KIF2A: variants seen among roughly 807,000 people sequenced by gnomAD.
The protein encoded by KIF2A is kinesin-like protein KIF2A.
A neutral mutation model predicts 100.2 loss-of-function variants in KIF2A; 22 were observed. The ratio of observed to expected loss-of-function variants is 0.22; its 90% CI spans 0.16 to 0.31. The LOEUF (loss-of-function observed/expected upper bound fraction) is 0.31. Among genes scored for constraint, KIF2A ranks in the 10% least tolerant of loss-of-function variants. KIF2A has a pLI of 1.00. For synonymous variants in KIF2A, 268 were observed against 285.9 expected, an observed-to-expected ratio of 0.94 and a Z score of 0.63; for missense variants, 495 against 898.7, an observed-to-expected ratio of 0.55 and a Z score of 5.74.
At position 62,327,628 on chromosome 5, in the gene KIF2A, A is replaced by C. The variant is rs1746443507; in HGVS notation, c.65-19502A>C. Among the ~76,000 whole-genome samples, 4 of 152,332 alleles carry C rather than the reference A, an allele frequency of 2.6e-5. No homozygotes were observed. In the South Asian group the frequency reaches 8.3e-4, roughly 32 times the overall value. On this transcript the variant is annotated intron_variant, in intron 1 of 20. Coordinates refer to ENST00000407818, the MANE Select transcript of KIF2A (RefSeq NM_001098511.3). ...GACTTTAGCCTTTCTTGCCACATGG[A>C]GCTTCAGTGATCTCATTCTTCTTTA... is the stretch of plus-strand genomic sequence containing the variant.
rs762198064 is a variant in KIF2A, at chr5:62,372,511, C to G, written c.1720C>G (p.Pro574Ala). 1 of 1,612,416 alleles carries G rather than the reference C, an allele frequency of 6.2e-7. No homozygotes were observed. Among genetic ancestry groups the G allele is most frequent in the South Asian group, 1.1e-5 (1 of 90,940 alleles). Residue 574 changes from proline to alanine, a missense_variant, in exon 17 of 21, where the codon CCT becomes GCT. By Grantham distance (27) the Pro-to-Ala change is conservative (BLOSUM62 -1). Coordinates refer to ENST00000407818, the MANE Select transcript of KIF2A (RefSeq NM_001098511.3). ...TAGTGGCAGTCGCCCTGATCTCTCTCCTTCTTATGAATATGACGACTTTTC... is the reference window on the plus strand; with the variant it reads ...TAGTGGCAGTCGCCCTGATCTCTCTGCTTCTTATGAATATGACGACTTTTC... ...QGSGSRPDLS[P>A]SYEYDDFSPS...
intron 19 of KIF2A, among the ~76,000 whole-genome samples, chr5:62,378,655 T>C (rs1225622118): frequency 1.3e-5 from 2 of 152,180 alleles, no homozygotes; most frequent in Admixed American, 6.6e-5. Flanking sequence ...CAGTGGCTCA[T>C]GCCTGTAATA....
At position 62,361,545 on chromosome 5, in the gene KIF2A, C is replaced by T. The variant is rs1561273453; in HGVS notation, c.1027+16C>T. 6.8e-7 allele frequency: 1 copy of T among 1,465,454 alleles called. No individual in the cohort carries two copies. Among genetic ancestry groups the T allele is most frequent in the Admixed American group, 1.8e-5 (1 of 56,660 alleles). 90.8% of individuals were successfully genotyped at this position (1,465,454 alleles called of 1,614,324 possible). A position where few individuals can be genotyped will look rare whatever the true frequency, so the allele number is the denominator to read the frequency against. On this transcript the variant is annotated intron_variant, in intron 11 of 20. Transcript: ENST00000407818. ...GCATTAGCAGGTAACTGTCCTTTTT[C>T]CATAAAATTTGGAATATTCTTCTGT...
chr5:62,361,500 A>G lies in KIF2A; in HGVS notation c.998A>G (p.Asp333Gly). 1 of 1,585,144 alleles carries G rather than the reference A, an allele frequency of 6.3e-7. No homozygotes were observed. Among genetic ancestry groups the G allele is most frequent in the Non-Finnish European group, 8.7e-7 (1 of 1,154,872 alleles). Residue 333 changes from aspartate (D) to glycine (G), a missense_variant, in exon 11 of 21, where the codon GAT becomes GGT. Transcript: ENST00000407818. ...MGGDFSGKNQDCSKGIYALAA... is the reference protein window; with the variant it reads ...MGGDFSGKNQGCSKGIYALAA... ...GGTGACTTTTCAGGAAAGAACCAAGATTGTTCTAAAGGAATTTATGCATTA... is the reference window on the plus strand; with the variant it reads ...GGTGACTTTTCAGGAAAGAACCAAGGTTGTTCTAAAGGAATTTATGCATTA...
chr5:62,354,988 G>A (rs759809587), intron 6 of KIF2A, among the ~76,000 whole-genome samples, 171 bp from the exon 7 acceptor site: 6 of 152,108 alleles, frequency 3.9e-5, no homozygotes, highest in Non-Finnish European at 5.9e-5. Flanking sequence ...ACACAAAGTG[G>A]TTCAGAGCTT....
At chr5:62,318,067 G>A (rs1745909467) in intron 1 of KIF2A, among the ~76,000 whole-genome samples, 1 of 152,014 alleles carries the variant, frequency 6.6e-6, no homozygotes, top group South Asian at 2.1e-4. Flanking sequence ...TTGATTTGGG[G>A]GCCTGTCCAA....
chr5:62,377,687 T>C lies in KIF2A; in HGVS notation c.1938T>C (p.Phe646=), dbSNP rs924437286. 1.3e-6 allele frequency: 2 copies of C among 1,552,452 alleles called. No homozygotes were observed. Among genetic ancestry groups the C allele is most frequent in the South Asian group, 1.2e-5 (1 of 83,480 alleles). ...QNEEEVSPQL[F]TFHEAVSQMV... ...AAGAAGAAGTCTCTCCACAGTTGTT[T>C]ACTTTCCACGAAGCTGTTTCACAAA... Residue 646 remains phenylalanine, a synonymous_variant, in exon 19 of 21, where the codon TTT becomes TTC. Coordinates refer to ENST00000407818, the MANE Select transcript of KIF2A (RefSeq NM_001098511.3).
intron 1 of KIF2A, among the ~76,000 whole-genome samples, chr5:62,336,133 T>A (rs977143317): frequency 1.3e-5 from 2 of 152,062 alleles, no homozygotes; most frequent in Non-Finnish European, 2.9e-5. Flanking sequence ...AGATCATGGA[T>A]TAGTAATGGA....
chr5:62,317,893 C>T (rs759989116), intron 1 of KIF2A, among the ~76,000 whole-genome samples: 3 of 151,928 alleles, frequency 2.0e-5, no homozygotes, highest in Non-Finnish European at 2.9e-5. Flanking sequence ...TTTCTCCAGT[C>T]TCTTTTGCTA....
chr5:62,331,882 C>T (rs575971509), intron 1 of KIF2A, among the ~76,000 whole-genome samples: 2 of 151,910 alleles, frequency 1.3e-5, no homozygotes, highest in East Asian at 1.9e-4. Flanking sequence ...TTTTTCCTAA[C>T]GTTCTACTAC....
chr5:62,341,861 C>T (rs1747310859), intron 1 of KIF2A, among the ~76,000 whole-genome samples: 1 of 152,174 alleles, frequency 6.6e-6, no homozygotes, highest in African/African-American at 2.4e-5. Flanking sequence ...ATTCTCATTA[C>T]TGTGGTAATT....
chr5:62,375,710 A>C (rs1741509331), intron 18 of KIF2A, among the ~76,000 whole-genome samples: 1 of 152,226 alleles, frequency 6.6e-6, no homozygotes, highest in Non-Finnish European at 1.5e-5. Flanking sequence ...CAGGGCTTAA[A>C]GCAGTGGTCC....
rs1387703952 is a variant in KIF2A, at chr5:62,386,621, G to C, written c.*1052G>C. Among the ~76,000 whole-genome samples the C allele has an allele frequency of 2.0e-5, 3 of 152,214 alleles. No homozygotes were observed. The highest frequency in any genetic ancestry group is 4.4e-5 in the Non-Finnish European group (3 of 68,034). ...TAGAAGTTAGTTTAAGCCAAGTGTAGACAGTACATTACTCCCTTGAAAAAG... is the reference window on the plus strand; with the variant it reads ...TAGAAGTTAGTTTAAGCCAAGTGTACACAGTACATTACTCCCTTGAAAAAG... On this transcript the variant is annotated 3_prime_UTR_variant, in exon 21 of 21. Coordinates refer to ENST00000407818, the MANE Select transcript of KIF2A (RefSeq NM_001098511.3).
intron 1 of KIF2A, among the ~76,000 whole-genome samples, chr5:62,323,326 A>G (rs1356120371): frequency 6.6e-6 from 1 of 151,724 alleles, no homozygotes; most frequent in Non-Finnish European, 1.5e-5. Context: ...GGAGAATGTT[A>G]ATCGAGACCA....
At chr5:62,306,626 G>A in intron 1 of KIF2A, 90 bp downstream of exon 1, 1 of 1,051,590 alleles carries the variant, frequency 9.5e-7, no homozygotes, top group Non-Finnish European at 1.4e-6. Flanking sequence ...CTCATTGATT[G>A]CTTCGCCGGG....
intron 16 of KIF2A, among the ~76,000 whole-genome samples, chr5:62,368,056 C>T (rs935899523): frequency 1.3e-5 from 2 of 151,564 alleles, no homozygotes; most frequent in African/African-American, 4.9e-5. Context: ...TAGAAAAGTA[C>T]CTAAAGTATA....
intron 1 of KIF2A, among the ~76,000 whole-genome samples, chr5:62,310,664 T>C (rs1745514669): frequency 6.6e-6 from 1 of 152,206 alleles, no homozygotes; most frequent in Admixed American, 6.5e-5. Flanking sequence ...ACTTTTCTGG[T>C]TTTCTAAGGT....
At chr5:62,368,681 G>A (rs1435849979) in intron 16 of KIF2A, among the ~76,000 whole-genome samples, 1 of 152,022 alleles carries the variant, frequency 6.6e-6, no homozygotes, top group Non-Finnish European at 1.5e-5. Flanking sequence ...GGGGGCTGAG[G>A]TGAGAGGATT....
At position 62,323,895 on chromosome 5, in the gene KIF2A, A is replaced by G. The variant is rs181694259; in HGVS notation, c.64+17359A>G. Among the ~76,000 whole-genome samples, 128 of 152,132 alleles carry G rather than the reference A, an allele frequency of 8.4e-4. 1 individual carries two copies. The highest frequency in any genetic ancestry group is 2.8e-3 in the African/African-American group (115 of 41,520). ...TCTACTCTGCAAAAATTAGCCGAGC[A>G]TGGTGGTATGTACCTGTGGTCCCAG... On this transcript the variant is annotated intron_variant, in intron 1 of 20. Coordinates refer to ENST00000407818, the MANE Select transcript of KIF2A (RefSeq NM_001098511.3).
Sources: allele counts gnomAD v4.1 joint callset (sites outside exome capture counted in the v4.1 genomes callset), GRCh38; gene constraint gnomAD v4.1.1; transcripts MANE v1.5; gene names NCBI Gene and HGNC (gene_info 2026-07-23, HGNC 2026-07-21).